The following FBXL2 variants were observed in gnomAD, a reference collection of about 807,000 sequenced individuals.
FBXL2 encodes the protein F-box and leucine rich repeat protein 2.
A neutral mutation model predicts 69.2 loss-of-function variants in FBXL2; 38 were observed. That is an observed-to-expected ratio of 0.55 (90% CI 0.42 to 0.72). FBXL2 has a LOEUF of 0.72. FBXL2 is among the 30% of genes least tolerant of loss of function. The pLI is 0.00. For missense variants in FBXL2, 354 were observed against 520.3 expected, an observed-to-expected ratio of 0.68 and a Z score of 3.11; for synonymous variants, 192 against 201.3, an observed-to-expected ratio of 0.95 and a Z score of 0.39.
Position 33,385,740 on chromosome 3 carries a change from CT to C in FBXL2, c.*133del. Reference sequence around the variant, plus strand: ...AAAGGCATTTACAGGTAAAAGACTTCTGTATGGATTGCAGTTACTCTGGTGA... The same window carrying C: ...AAAGGCATTTACAGGTAAAAGACTTCGTATGGATTGCAGTTACTCTGGTGA... On this transcript the variant is annotated 3_prime_UTR_variant, in exon 15 of 15. Coordinates refer to ENST00000484457, the MANE Select transcript of FBXL2 (RefSeq NM_012157.5). 1 of 695,762 alleles carries C rather than the reference CT, an allele frequency of 1.4e-6. No homozygotes were observed. Among genetic ancestry groups the C allele is most frequent in the Non-Finnish European group, 2.5e-6 (1 of 395,082 alleles). The allele number at this position is 695,762 out of a possible 1,614,324, so 43.1% of individuals were successfully genotyped here.
At chr3:33,402,007 A>G (rs936216982) in intron 12 of FBXL2, among the ~76,000 whole-genome samples, 6 of 151,882 alleles carry the variant, frequency 4.0e-5, no homozygotes, top group Admixed American at 3.9e-4. Flanking sequence ...CCATCTCCTC[A>G]GGGGGAGAGC....
intron 2 of FBXL2, among the ~76,000 whole-genome samples, chr3:33,303,678 T>G (rs557632276): frequency 2.6e-5 from 4 of 152,176 alleles, no homozygotes; most frequent in African/African-American, 9.6e-5. Flanking sequence ...TATGGTAAAA[T>G]TATACCATAC....
At chr3:33,323,162 A>G (rs1220696753) in intron 2 of FBXL2, among the ~76,000 whole-genome samples, 4 of 152,160 alleles carry the variant, frequency 2.6e-5, no homozygotes, top group Non-Finnish European at 5.9e-5. Flanking sequence ...TTTTCTTTGC[A>G]AAAGTCTTTC....
intron 1 of FBXL2, 102 bp downstream of exon 1, chr3:33,277,617 C>T: frequency 8.6e-7 from 1 of 1,162,468 alleles, no homozygotes; most frequent in Non-Finnish European, 1.1e-6. Flanking sequence ...GCGCAGGGGT[C>T]GTGGAGAGGC....
intron 13 of FBXL2, among the ~76,000 whole-genome samples, chr3:33,381,952 C>T (rs1400567072): frequency 6.6e-6 from 1 of 152,232 alleles, no homozygotes. Context: ...CAACAGAATT[C>T]CTCTCCTCTA....
chr3:33,344,203 A>G (rs944919415), intron 2 of FBXL2, among the ~76,000 whole-genome samples: 1 of 152,116 alleles, frequency 6.6e-6, no homozygotes, highest in Non-Finnish European at 1.5e-5. Flanking sequence ...CTGAAAGACT[A>G]AAAACAAAAT....
intron 12 of FBXL2, chr3:33,393,265 A>C (rs375713326): frequency 1.3e-6 from 2 of 1,540,532 alleles, no homozygotes; most frequent in Admixed American, 2.1e-5. Context: ...TTACATGTAT[A>C]AAAGTAAATA....
At chr3:33,384,337 G>T in intron 14 of FBXL2, 136 bp downstream of exon 14, 1 of 768,014 alleles carries the variant, frequency 1.3e-6, no homozygotes, top group Non-Finnish European at 2.1e-6. Context: ...AAGGTGGGTG[G>T]ACCACTTGAG....
At chr3:33,322,254 AT>A (rs2038298207) in intron 2 of FBXL2, among the ~76,000 whole-genome samples, 1 of 151,220 alleles carries the variant, frequency 6.6e-6, no homozygotes, top group Admixed American at 6.6e-5. Context: ...ATTCTTTTAT[AT>A]TTTTAGTACA....
the FBXL2 span, among the ~76,000 whole-genome samples, chr3:33,421,307 G>A: frequency 4.6e-5 from 7 of 151,632 alleles, no homozygotes; most frequent in South Asian, 2.1e-4. Flanking sequence ...TGCAGGGGGC[G>A]GGGGCGGGGG....
At chr3:33,379,426 C>G (rs2042868044) in intron 13 of FBXL2, among the ~76,000 whole-genome samples, 1 of 152,142 alleles carries the variant, frequency 6.6e-6, no homozygotes, top group African/African-American at 2.4e-5. Flanking sequence ...GCGACCTCAG[C>G]TCACTGCAAC....
intron 2 of FBXL2, among the ~76,000 whole-genome samples, chr3:33,303,800 A>G (rs1040871474): frequency 2.6e-5 from 4 of 152,102 alleles, no homozygotes; most frequent in Non-Finnish European, 1.5e-5. Flanking sequence ...AGGTAGATTG[A>G]TTTTATTAGA....
chr3:33,402,050 C>T (rs1165260763), intron 12 of FBXL2, among the ~76,000 whole-genome samples: 3 of 152,224 alleles, frequency 2.0e-5, no homozygotes, highest in African/African-American at 4.8e-5. Context: ...CAGACCTTGT[C>T]AGCATGACCG....
At chr3:33,381,711 T>G (rs1022205099) in intron 13 of FBXL2, among the ~76,000 whole-genome samples, 6 of 152,208 alleles carry the variant, frequency 3.9e-5, no homozygotes, top group African/African-American at 1.4e-4. Context: ...TTCCATTTTA[T>G]TGTAAGTAAT....
chr3:33,371,562 T>C (rs1187392568), intron 5 of FBXL2, among the ~76,000 whole-genome samples: 1 of 152,206 alleles, frequency 6.6e-6, no homozygotes, highest in African/African-American at 2.4e-5. Context: ...AAATATATTC[T>C]AGGCAATAAC....
chr3:33,388,344 A>G (rs903655004), downstream of FBXL2: 1 of 152,626 alleles, frequency 6.6e-6, no homozygotes, highest in African/African-American at 2.4e-5. Context: ...CATTTGCAAA[A>G]CAATCAGAAA....
rs2043549441 is a variant in FBXL2, at chr3:33,387,777, C to G, written c.*2169C>G. ...ACAGGAGAACCTCTTGTAAGAAAAT[C>G]AGGTTTGCAGGCTGGGCACGGTGGC... On this transcript the variant is annotated 3_prime_UTR_variant, in exon 15 of 15. Transcript: ENST00000484457. 6.6e-6 allele frequency: 1 copy of G among 151,528 alleles called. No individual in the cohort carries two copies. The highest frequency in any genetic ancestry group is 2.4e-5 in the African/African-American group (1 of 41,212). 9.4% of individuals were successfully genotyped at this position (151,528 alleles called of 1,614,324 possible).
intron 2 of FBXL2, among the ~76,000 whole-genome samples, chr3:33,331,717 G>A (rs150533712): frequency 5.3e-5 from 8 of 152,226 alleles, no homozygotes; most frequent in Admixed American, 2.0e-4. Context: ...CTCACTAATC[G>A]GATGAAAATG....
In FBXL2 at chr3:33,345,000, C is replaced by T. The variant is rs77746944; in HGVS notation, c.66-13967C>T. ...TGCCCAGATGGCTTCACTTGGGAATCCTTTCAGATGTTAAGATAGAAACAA... is the reference window on the plus strand; with the variant it reads ...TGCCCAGATGGCTTCACTTGGGAATTCTTTCAGATGTTAAGATAGAAACAA... On this transcript the variant is annotated intron_variant, in intron 2 of 14. Coordinates refer to ENST00000484457, the MANE Select transcript of FBXL2 (RefSeq NM_012157.5). Among the ~76,000 whole-genome samples the T allele has an allele frequency of 7.5e-3, 1,148 of 152,314 alleles. 5 individuals are homozygous for T. Among genetic ancestry groups the T allele is most frequent in the Admixed American group, 0.011 (175 of 15,286 alleles).
Sources: gnomAD v4.1 joint callset for allele counts (sites outside exome capture counted in the v4.1 genomes callset) on GRCh38, gnomAD v4.1.1 for gene constraint, MANE v1.5 for transcripts, NCBI Gene and HGNC (gene_info 2026-07-23, HGNC 2026-07-21) for gene names.